The following ATR variants were observed in gnomAD, a reference collection of about 807,000 sequenced individuals.
ATR encodes ATR checkpoint kinase.
A neutral mutation model predicts 305.3 loss-of-function variants in ATR; 142 were observed. The ratio of observed to expected loss-of-function variants is 0.47; its 90% CI spans 0.41 to 0.53. The LOEUF (loss-of-function observed/expected upper bound fraction) is 0.53, where lower values mean the gene tolerates loss of function less well. Among genes scored for constraint, ATR ranks in the 20% least tolerant of loss-of-function variants. ATR has a pLI of 0.00. For missense variants in ATR, 2,135 were observed against 3,133.1 expected (o/e 0.68, Z 7.60); for synonymous variants, 1,050 against 1,068.1 (o/e 0.98, Z 0.33).
chr3:142,476,940 A>AT (rs1189244265), intron 36 of ATR, among the ~76,000 whole-genome samples: 2 of 152,100 alleles, frequency 1.3e-5, no homozygotes, highest in Non-Finnish European at 2.9e-5. Context: ...TTGCACATTG[A>AT]TTTTGTATCC....
In ATR at chr3:142,468,080, AAG is replaced by A; in HGVS notation, c.6553-14_6553-13del. ...ATGGGATAAGATGACTGTCATAAAAAAGAGTTAAATGTCATAAAAAAGAGTTT... is the reference window on the plus strand; with the variant it reads ...ATGGGATAAGATGACTGTCATAAAAAAGTTAAATGTCATAAAAAAGAGTTT... On this transcript the variant is annotated splice_polypyrimidine_tract_variant and intron_variant, in intron 38 of 46. Coordinates refer to ENST00000350721, the MANE Select transcript of ATR (RefSeq NM_001184.4). 6.2e-7 allele frequency: 1 copy of A among 1,611,464 alleles called. No homozygotes were observed. Among genetic ancestry groups the A allele is most frequent in the Non-Finnish European group, 8.5e-7 (1 of 1,178,996 alleles).
chr3:142,552,571 GA>G (rs1372950313), intron 13 of ATR, among the ~76,000 whole-genome samples: 1 of 151,074 alleles, frequency 6.6e-6, no homozygotes, highest in African/African-American at 2.4e-5. Context: ...TTGGGAGGCT[GA>G]GGCAGGAGAA....
Position 142,572,372 on chromosome 3 carries a change from C to CTTTTTTTTT in ATR, c.60-4227_60-4219dup, listed in dbSNP as rs11318957. Among the ~76,000 whole-genome samples the CTTTTTTTTT allele has an allele frequency of 4.6e-4, 26 of 56,806 alleles. 2 individuals are homozygous for CTTTTTTTTT. Among genetic ancestry groups the CTTTTTTTTT allele is most frequent in the Non-Finnish European group, 5.5e-4 (17 of 30,784 alleles). The allele number at this position is 56,806 out of a possible 152,430, so 37.3% of individuals were successfully genotyped here. A position where few individuals can be genotyped will look rare whatever the true frequency, so the allele number is the denominator to read the frequency against. ...GCGTGAGCCACCACGCCCGGCCTGA[C>CTTTTTTTTT]TTTTTTTTTTTTTTTTTTTTTTTTT... is the stretch of plus-strand genomic sequence containing the variant. On this transcript the variant is annotated intron_variant, in intron 1 of 46. Coordinates refer to ENST00000350721, the MANE Select transcript of ATR (RefSeq NM_001184.4).
intron 19 of ATR, among the ~76,000 whole-genome samples, chr3:142,536,883 A>G (rs1250266518): frequency 3.9e-5 from 6 of 152,228 alleles, no homozygotes. Flanking sequence ...AATTATCATG[A>G]AGAATTATAG....
chr3:142,464,315 CA>C (rs2071082869), intron 41 of ATR, among the ~76,000 whole-genome samples: 1 of 151,952 alleles, frequency 6.6e-6, no homozygotes, highest in African/African-American at 2.4e-5. Context: ...TTTGTAGAGA[CA>C]GGGTTTCACT....
chr3:142,498,796 A>C (rs1293994714), intron 31 of ATR, 22 bp from the exon 32 acceptor site: 2 of 1,612,242 alleles, frequency 1.2e-6, no homozygotes, highest in Non-Finnish European at 1.7e-6. Context: ...ATGAAGAGTC[A>C]AGAAATGTCA....
rs749656305 is a variant in ATR at position 142,466,384 on chromosome 3, G to GT, written c.6836dup (p.Asn2279LysfsTer4). The GT allele has an allele frequency of 1.2e-6, 2 of 1,613,980 alleles. No homozygotes were observed. The highest frequency in any genetic ancestry group is 4.5e-5 in the East Asian group (2 of 44,832). The stretch of plus-strand genomic sequence containing the variant: ...CAGGAAATGGTTCATGGCTAGCATG[G>GT]TTAGCATGGGTACCCAGAATTGATG... On this transcript the variant is annotated frameshift_variant, in exon 40 of 47. Coordinates refer to ENST00000350721, the MANE Select transcript of ATR (RefSeq NM_001184.4). LOFTEE classifies it high-confidence loss of function.
chr3:142,536,265 G>A, intron 19 of ATR, 64 bp from the exon 20 acceptor site: 2 of 1,234,910 alleles, frequency 1.6e-6, no homozygotes, highest in Non-Finnish European at 1.2e-6. Flanking sequence ...AAAATGTAAA[G>A]TAAAAGTTGA....
chr3:142,524,183 T>C lies in ATR; in HGVS notation c.3962A>G (p.Tyr1321Cys), dbSNP rs2033273940. 4.3e-6 allele frequency: 7 copies of C among 1,613,392 alleles called. No homozygotes were observed. Among genetic ancestry groups the C allele is most frequent in the African/African-American group, 2.7e-5 (2 of 74,916 alleles). The change falls in exon 22 of 47, where the codon TAT becomes TGT. Residue 1321 changes from tyrosine (Y) to cysteine (C), a missense_variant. Tyr to Cys is a radical substitution (Grantham distance 194, BLOSUM62 -2). This residue lies in a region of ATR where 530 missense variants were observed against 766.8 expected (regional missense o/e 0.69). Coordinates refer to ENST00000350721, the MANE Select transcript of ATR (RefSeq NM_001184.4). ...TTCTACTGTTTCACTGTCTGTTGCA[T>C]ACTTTATCAGTTTTTCCTAAAATAA... ...LYKNQEKLIK[Y>C]ATDSETVEPI...
In ATR at chr3:142,562,218, G is replaced by A. The variant is rs749642784; in HGVS notation, c.1170+14C>T. The A allele has an allele frequency of 5.0e-6, 8 of 1,613,596 alleles. No homozygotes were observed. The highest frequency in any genetic ancestry group is 1.7e-5 in the Admixed American group (1 of 59,992). ...AAAATACATACTTAACTAGTAACCT[G>A]AAAAATTACTTACCTCTGCATCTAC... On this transcript the variant is annotated intron_variant, in intron 4 of 46. Coordinates refer to ENST00000350721, the MANE Select transcript of ATR (RefSeq NM_001184.4).
chr3:142,469,668 T>A, intron 37 of ATR, 99 bp from the exon 38 acceptor site: 1 of 1,015,258 alleles, frequency 9.8e-7, no homozygotes, highest in Non-Finnish European at 1.5e-6. Context: ...AAAATAGCTT[T>A]AAAGTATGTT....
At chr3:142,557,215 T>C (rs1415327318) in intron 8 of ATR, among the ~76,000 whole-genome samples, 1 of 152,156 alleles carries the variant, frequency 6.6e-6, no homozygotes, top group Non-Finnish European at 1.5e-5. Context: ...AGACGCTCCA[T>C]TTCTAACAAG....
At chr3:142,465,833 C>T (rs549810763) in intron 40 of ATR, 11 of 172,222 alleles carry the variant, frequency 6.4e-5, no homozygotes, top group Non-Finnish European at 1.4e-4. Flanking sequence ...GACGAAACCC[C>T]GTATCTACAA....
intron 27 of ATR, among the ~76,000 whole-genome samples, chr3:142,509,238 C>T (rs1238571015): frequency 6.6e-6 from 1 of 152,090 alleles, no homozygotes; most frequent in African/African-American, 2.4e-5. Flanking sequence ...AAGATCATAG[C>T]TCACTGCAGC....
chr3:142,513,774 T>TA, intron 25 of ATR, 136 bp from the exon 26 acceptor site: 1 of 1,004,564 alleles, frequency 1.0e-6, no homozygotes, highest in Non-Finnish European at 1.4e-6. Context: ...ATTTTTTAAT[T>TA]AAATTATTTG....
chr3:142,529,090 C>T (rs2033534883), intron 21 of ATR, among the ~76,000 whole-genome samples: 1 of 151,212 alleles, frequency 6.6e-6, no homozygotes, highest in African/African-American at 2.4e-5. Context: ...CCATGTTGGT[C>T]AGGCTGGTCT....
At chr3:142,451,588 C>T in intron 46 of ATR, 1 of 1,308,858 alleles carries the variant, frequency 7.6e-7, no homozygotes, top group Non-Finnish European at 9.9e-7. Flanking sequence ...TTGGAAGGAT[C>T]TGAGTATGAT....
chr3:142,556,015 G>T lies in ATR; in HGVS notation c.2203C>A (p.His735Asn), dbSNP rs762212899. The T allele has an allele frequency of 6.2e-7, 1 of 1,614,018 alleles. No homozygotes were observed. Among genetic ancestry groups the T allele is most frequent in the South Asian group, 1.1e-5 (1 of 91,072 alleles). Residue 735 changes from histidine (H) to asparagine (N), a missense_variant, in exon 10 of 47, where the codon CAC becomes AAC. By Grantham distance (68) the His-to-Asn change is moderately conservative. Coordinates refer to ENST00000350721, the MANE Select transcript of ATR (RefSeq NM_001184.4). ...TSSLTEPFSEHGHVDLFCRNL... is the reference protein window; with the variant it reads ...TSSLTEPFSENGHVDLFCRNL... Reference sequence around the variant, plus strand: ...CTACAGAAGAGGTCCACATGTCCGTGTTCAGAGAAAGGTTCTGTTAAAGAA... The same window carrying T: ...CTACAGAAGAGGTCCACATGTCCGTTTTCAGAGAAAGGTTCTGTTAAAGAA...
chr3:142,528,003 C>T (rs1443326892), intron 21 of ATR, among the ~76,000 whole-genome samples: 2 of 152,176 alleles, frequency 1.3e-5, no homozygotes, highest in African/African-American at 4.8e-5. Context: ...AAGGAACCAA[C>T]CCTGCCACCA....
Sources: allele counts gnomAD v4.1 joint callset (sites outside exome capture counted in the v4.1 genomes callset), GRCh38; gene constraint gnomAD v4.1.1; regional missense constraint gnomAD v4.1.1; transcripts MANE v1.5; gene names NCBI Gene and HGNC (gene_info 2026-07-23, HGNC 2026-07-21).